TMEM192: variants seen among roughly 807,000 people sequenced by gnomAD.
TMEM192 encodes the protein transmembrane protein 192.
In TMEM192, 20 loss-of-function variants were observed where a neutral mutation model predicts 26.7. The observed-to-expected ratio is 0.75, with a 90% CI of 0.53 to 1.09. TMEM192 has a LOEUF of 1.09. TMEM192 is among the 50% of genes least tolerant of loss of function. The pLI is 0.00. For synonymous variants in TMEM192, 124 were observed against 121.0 expected, an observed-to-expected ratio of 1.02 and a Z score of -0.16; for missense variants, 304 against 322.6, an observed-to-expected ratio of 0.94 and a Z score of 0.44.
chr4:165,100,477 T>C, intron 3 of TMEM192, 151 bp downstream of exon 3: 1 of 921,290 alleles, frequency 1.1e-6, no homozygotes, highest in Non-Finnish European at 1.6e-6. Flanking sequence ...TTTAAGACAT[T>C]AAGGTGATCC....
chr4:165,088,598 G>C lies in TMEM192; in HGVS notation c.444C>G (p.Asn148Lys). The part of the protein sequence containing the change: ...RLALMIQSSG[N>K]TVLLLILCMQ... ...TGCACAGTATGAGGAGAAGCACTGTGTTGCCTGAGGAGGAGAAACATAAAA... is the reference window on the plus strand; with the variant it reads ...TGCACAGTATGAGGAGAAGCACTGTCTTGCCTGAGGAGGAGAAACATAAAA... Residue 148 changes from asparagine to lysine, a missense_variant, in exon 4 of 6, where the codon AAC becomes AAG. Transcript: ENST00000306480. 6.2e-7 allele frequency: 1 copy of C among 1,609,348 alleles called. No individual in the cohort carries two copies. Among genetic ancestry groups the C allele is most frequent in the Non-Finnish European group, 8.5e-7 (1 of 1,177,924 alleles).
intron 3 of TMEM192, among the ~76,000 whole-genome samples, chr4:165,094,249 C>T (rs1734839461): frequency 1.3e-5 from 2 of 152,052 alleles, no homozygotes; most frequent in South Asian, 4.1e-4. Context: ...GTTGGCCAAG[C>T]TGGTCTGGAA....
chr4:165,100,499 G>T, intron 3 of TMEM192, 129 bp downstream of exon 3: 1 of 1,138,292 alleles, frequency 8.8e-7, no homozygotes, highest in Non-Finnish European at 1.2e-6. Context: ...AATTTTAGTG[G>T]TCAGAACACA....
chr4:165,094,694 G>A (rs906426145), intron 3 of TMEM192, among the ~76,000 whole-genome samples: 1 of 151,904 alleles, frequency 6.6e-6, no homozygotes, highest in Non-Finnish European at 1.5e-5. Flanking sequence ...AACATTCTAG[G>A]CCAGGTGCAG....
chr4:165,096,237 G>A (rs929598333), intron 3 of TMEM192, among the ~76,000 whole-genome samples: 2 of 151,932 alleles, frequency 1.3e-5, no homozygotes, highest in East Asian at 2.0e-4. Flanking sequence ...GTGAAGCCTC[G>A]TCTCTACTAA....
intron 3 of TMEM192, among the ~76,000 whole-genome samples, chr4:165,090,929 A>AAAAAAAAAAG (rs1734745806): frequency 6.7e-6 from 1 of 148,334 alleles, no homozygotes; most frequent in Non-Finnish European, 1.5e-5. Context: ...AAAAAAAAAA[A>AAAAAAAAAAG]GGTCATAGAA....
chr4:165,081,360 AC>A (rs1734515609), intron 5 of TMEM192, among the ~76,000 whole-genome samples: 1 of 148,890 alleles, frequency 6.7e-6, no homozygotes, highest in African/African-American at 2.5e-5. Flanking sequence ...GTATATACTG[AC>A]TTTTTTTTTT....
At chr4:165,112,268 A>C (rs1735310865) in intron 1 of TMEM192, among the ~76,000 whole-genome samples, 1 of 152,182 alleles carries the variant, frequency 6.6e-6, no homozygotes, top group South Asian at 2.1e-4. Context: ...TGTCACTCCA[A>C]GTCCACAGCC....
chr4:165,100,056 A>C (rs531607381), intron 3 of TMEM192, among the ~76,000 whole-genome samples: 1 of 152,306 alleles, frequency 6.6e-6, no homozygotes, highest in African/African-American at 2.4e-5. Flanking sequence ...CTGGTAACAA[A>C]AGAGGGTATA....
At chr4:165,091,384 T>C (rs1442788685) in intron 3 of TMEM192, among the ~76,000 whole-genome samples, 1 of 152,168 alleles carries the variant, frequency 6.6e-6, no homozygotes, top group African/African-American at 2.4e-5. Flanking sequence ...GCCCTTTCAT[T>C]TGTGGGATCT....
rs1034837402 is a variant in TMEM192, at chr4:165,085,851, G to A, written c.575-163C>T. ...CCCTGGGAATATAGGGATTACATTA[G>A]TATTGAAATAGCAATAATAGCTGAC... On this transcript the variant is annotated intron_variant, in intron 4 of 5. Transcript: ENST00000306480. Among the ~76,000 whole-genome samples, 5 of 152,176 alleles carry A rather than the reference G, an allele frequency of 3.3e-5. No homozygotes were observed. The South Asian group carries it at 8.3e-4, about 25-fold the overall frequency.
At chr4:165,086,283 G>T (rs908201192) in intron 4 of TMEM192, among the ~76,000 whole-genome samples, 7 of 152,118 alleles carry the variant, frequency 4.6e-5, no homozygotes, top group Non-Finnish European at 1.0e-4. Context: ...GGTGCAGGAG[G>T]AGTCTGAACA....
At chr4:165,099,597 C>T (rs895901085) in intron 3 of TMEM192, among the ~76,000 whole-genome samples, 7 of 152,106 alleles carry the variant, frequency 4.6e-5, no homozygotes, top group Non-Finnish European at 1.0e-4. Context: ...AGTCCTCTAT[C>T]CTAGGAACTA....
intron 4 of TMEM192, among the ~76,000 whole-genome samples, chr4:165,087,148 C>T (rs1290744983): frequency 6.6e-6 from 1 of 152,054 alleles, no homozygotes; most frequent in Non-Finnish European, 1.5e-5. Context: ...TTTTATGCCA[C>T]ATGAAAACGT....
At chr4:165,089,842 G>A (rs1180896886) in intron 3 of TMEM192, among the ~76,000 whole-genome samples, 2 of 152,156 alleles carry the variant, frequency 1.3e-5, no homozygotes, top group East Asian at 3.9e-4. Context: ...GCACTTTGGA[G>A]TATGGTGTTC....
At chr4:165,092,881 A>G (rs1198724182) in intron 3 of TMEM192, among the ~76,000 whole-genome samples, 1 of 151,854 alleles carries the variant, frequency 6.6e-6, no homozygotes, top group Non-Finnish European at 1.5e-5. Context: ...TAGGCAACAG[A>G]GCGAGACCTT....
intron 3 of TMEM192, among the ~76,000 whole-genome samples, chr4:165,097,833 G>GATTT (rs950049001): frequency 2.6e-5 from 4 of 151,388 alleles, no homozygotes; most frequent in Non-Finnish European, 4.4e-5. Context: ...TTGAAATAGA[G>GATTT]ATTTATTTAT....
intron 4 of TMEM192, among the ~76,000 whole-genome samples, chr4:165,087,071 G>A (rs1337001712): frequency 1.3e-5 from 2 of 151,868 alleles, no homozygotes; most frequent in East Asian, 1.9e-4. Context: ...CTGAGATCAC[G>A]CCATTGCACT....
At chr4:165,103,811 C>T (rs190270210) in intron 1 of TMEM192, among the ~76,000 whole-genome samples, 323 of 151,624 alleles carry the variant, frequency 2.1e-3, no homozygotes, top group Non-Finnish European at 3.5e-3. Flanking sequence ...CATGAGCCAC[C>T]GTGCCCGGCA....
Sources: gnomAD v4.1 joint callset for allele counts (sites outside exome capture counted in the v4.1 genomes callset) on GRCh38, gnomAD v4.1.1 for gene constraint, MANE v1.5 for transcripts, NCBI Gene and HGNC (gene_info 2026-07-23, HGNC 2026-07-21) for gene names.